EYA1: variants seen among roughly 807,000 people sequenced by gnomAD.
The protein encoded by EYA1 is EYA transcriptional coactivator and phosphatase 1.
Under a neutral mutation model 82.0 loss-of-function variants are expected in EYA1, and 16 were observed. The ratio of observed to expected loss-of-function variants is 0.20; its 90% CI spans 0.13 to 0.30. EYA1 has a LOEUF of 0.30. Among genes scored for constraint, EYA1 ranks in the 10% least tolerant of loss-of-function variants. The pLI is 1.00. For missense variants in EYA1, 633 were observed against 730.7 expected (o/e 0.87, Z 1.54); for synonymous variants, 261 against 264.4 (o/e 0.99, Z 0.12).
At chr8:71,241,167 T>C (rs1239368891) in intron 12 of EYA1, among the ~76,000 whole-genome samples, 1 of 152,232 alleles carries the variant, frequency 6.6e-6, no homozygotes, top group African/African-American at 2.4e-5. Flanking sequence ...TGTTCCTTCA[T>C]ACGTCAAACA....
At position 71,361,797 on chromosome 8, in the gene EYA1, G is replaced by C; in HGVS notation, c.-205C>G. 1 of 985,498 alleles carries C rather than the reference G, an allele frequency of 1.0e-6. No homozygotes were observed. Among genetic ancestry groups the C allele is most frequent in the Non-Finnish European group, 1.2e-6 (1 of 829,964 alleles). The allele number at this position is 985,498 out of a possible 1,614,324, so 61.0% of individuals were successfully genotyped here. On this transcript the variant is annotated 5_prime_UTR_variant, in exon 1 of 18. Transcript: ENST00000340726. The stretch of plus-strand genomic sequence containing the variant: ...GTGCAGCCGCGGCGCTTCTGGGAGT[G>C]GAGCGCCTCTGCAGGGGAAAGCTCG...
intron 2 of EYA1, among the ~76,000 whole-genome samples, chr8:71,464,538 T>C (rs1314566874): frequency 6.6e-6 from 1 of 152,172 alleles, no homozygotes; most frequent in Admixed American, 6.5e-5. Flanking sequence ...GCCCAATAGA[T>C]ATAGACAGAA....
intron 12 of EYA1, among the ~76,000 whole-genome samples, chr8:71,227,605 C>A (rs1364416009): frequency 6.6e-6 from 1 of 152,132 alleles, no homozygotes; most frequent in Admixed American, 6.5e-5. Context: ...TTCATTTGCA[C>A]AAAAATATTT....
intron 2 of EYA1, among the ~76,000 whole-genome samples, chr8:71,481,858 G>C (rs947771517): frequency 6.6e-6 from 1 of 152,154 alleles, no homozygotes; most frequent in South Asian, 2.1e-4. Context: ...GAGGAGGAGA[G>C]GAGGGGCAAG....
At chr8:71,491,934 G>A (rs1811027132) in intron 2 of EYA1, among the ~76,000 whole-genome samples, 1 of 151,978 alleles carries the variant, frequency 6.6e-6, no homozygotes, top group Non-Finnish European at 1.5e-5. Context: ...AAGAAGCAAA[G>A]CTGACTTGAT....
At chr8:71,383,436 T>A (rs574055879) in intron 2 of EYA1, among the ~76,000 whole-genome samples, 1 of 152,200 alleles carries the variant, frequency 6.6e-6, no homozygotes, top group East Asian at 1.9e-4. Flanking sequence ...AAAGGAGTTT[T>A]TTTAAAAATT....
At chr8:71,271,063 T>C (rs1321439894) in intron 10 of EYA1, among the ~76,000 whole-genome samples, 1 of 152,186 alleles carries the variant, frequency 6.6e-6, no homozygotes, top group Non-Finnish European at 1.5e-5. Context: ...TGAGCCGAGA[T>C]CACGCCATTG....
chr8:71,263,148 T>G (rs2128935337), intron 11 of EYA1, among the ~76,000 whole-genome samples: 1 of 152,236 alleles, frequency 6.6e-6, no homozygotes, highest in South Asian at 2.1e-4. Context: ...AAACCCATTC[T>G]CTGTTTCTTC....
chr8:71,380,536 C>A (rs901142475), intron 2 of EYA1, among the ~76,000 whole-genome samples: 1 of 152,150 alleles, frequency 6.6e-6, no homozygotes, highest in Non-Finnish European at 1.5e-5. Flanking sequence ...TCTAGTCATT[C>A]TGAGATGCTA....
At chr8:71,372,370 A>G (rs916790648) in intron 2 of EYA1, among the ~76,000 whole-genome samples, 3 of 152,164 alleles carry the variant, frequency 2.0e-5, no homozygotes, top group African/African-American at 4.8e-5. Context: ...TTAAATATTT[A>G]AATTAAATTT....
At chr8:71,287,953 GA>G (rs1818568991) in intron 9 of EYA1, among the ~76,000 whole-genome samples, 1 of 152,156 alleles carries the variant, frequency 6.6e-6, no homozygotes, top group African/African-American at 2.4e-5. Context: ...ATTCCACAGA[GA>G]AATAATACAC....
chr8:71,228,781 G>A (rs1002392053), intron 12 of EYA1, among the ~76,000 whole-genome samples: 6 of 152,140 alleles, frequency 3.9e-5, no homozygotes, highest in Admixed American at 3.9e-4. Flanking sequence ...TTGCCTTTAC[G>A]GTTTTAAACA....
intron 11 of EYA1, among the ~76,000 whole-genome samples, chr8:71,261,194 T>C (rs1000465788): frequency 6.6e-6 from 1 of 152,160 alleles, no homozygotes; most frequent in Admixed American, 6.6e-5. Flanking sequence ...CATAAACACA[T>C]AACCAAAAGT....
At chr8:71,393,894 G>C in intron 2 of EYA1, among the ~76,000 whole-genome samples, 1 of 152,176 alleles carries the variant, frequency 6.6e-6, no homozygotes, top group East Asian at 1.9e-4. Flanking sequence ...GGTTGAACCA[G>C]TTTACAGTCC....
At chr8:71,528,310 C>T (rs948917236) in intron 2 of EYA1, among the ~76,000 whole-genome samples, 3 of 152,288 alleles carry the variant, frequency 2.0e-5, no homozygotes, top group Middle Eastern at 3.4e-3. Context: ...GATAAACAAA[C>T]ATTTACTGAG....
intron 2 of EYA1, among the ~76,000 whole-genome samples, chr8:71,419,730 T>C (rs1024836875): frequency 2.6e-5 from 4 of 152,140 alleles, no homozygotes; most frequent in African/African-American, 7.2e-5. Context: ...TAATATAGGA[T>C]TGTTTTAAAT....
intron 2 of EYA1, among the ~76,000 whole-genome samples, chr8:71,392,315 A>T (rs576882467): frequency 2.0e-5 from 3 of 152,272 alleles, no homozygotes; most frequent in Non-Finnish European, 2.9e-5. Context: ...CCAAAAAGAT[A>T]AAGAATTTCT....
In EYA1 at chr8:71,231,840, A is replaced by G. The variant is rs117017432; in HGVS notation, c.1140+12763T>C. 1.4e-3 allele frequency among the ~76,000 whole-genome samples: 208 copies of G among 152,266 alleles called. 4 individuals are homozygous for G. The East Asian group carries it at 0.037, about 27-fold the overall frequency. ...TGACCTACCTCTCAACATTTCCAAAATAGATTTTAAGTTGCCTGGGCAACT... is the reference window on the plus strand; with the variant it reads ...TGACCTACCTCTCAACATTTCCAAAGTAGATTTTAAGTTGCCTGGGCAACT... On this transcript the variant is annotated intron_variant, in intron 12 of 17. Transcript: ENST00000340726.
intron 2 of EYA1, among the ~76,000 whole-genome samples, chr8:71,474,081 G>A (rs1809456810): frequency 6.6e-6 from 1 of 151,872 alleles, no homozygotes; most frequent in Non-Finnish European, 1.5e-5. Flanking sequence ...ATAGCATTAG[G>A]AGAAATACCT....
Sources: gnomAD v4.1 joint callset for allele counts (sites outside exome capture counted in the v4.1 genomes callset) on GRCh38, gnomAD v4.1.1 for gene constraint, MANE v1.5 for transcripts, NCBI Gene and HGNC (gene_info 2026-07-23, HGNC 2026-07-21) for gene names.